Variants in ANO8 observed in about 807,000 individuals in gnomAD.
The protein encoded by ANO8 is anoctamin 8, also known as anoctamin-8.
Under a neutral mutation model 120.4 loss-of-function variants are expected in ANO8, and 67 were observed. That is an observed-to-expected ratio of 0.56 (90% confidence interval 0.46 to 0.68). ANO8 has a LOEUF of 0.68. Among genes scored for constraint, ANO8 ranks in the 30% least tolerant of loss-of-function variants. The pLI, the probability that ANO8 is intolerant of heterozygous loss-of-function variation, is 0.00. For missense variants in ANO8, 1,526 were observed against 1,737.6 expected, an observed-to-expected ratio of 0.88 and a Z score of 2.16; for synonymous variants, 727 against 759.2, an observed-to-expected ratio of 0.96 and a Z score of 0.70.
At chr19:17,329,270 A>G in intron 12 of ANO8, 1 of 398,208 alleles carries the variant, frequency 2.5e-6, no homozygotes, top group Non-Finnish European at 4.5e-6. Context: ...GTGCGCCCCC[A>G]GCCGCCTGCA....
At position 17,328,384 on chromosome 19, in the gene ANO8, G is replaced by GA; in HGVS notation, c.2003_2004insT (p.Ser669GlnfsTer3). 1.3e-6 allele frequency: 2 copies of GA among 1,572,696 alleles called. No homozygotes were observed. The highest frequency in any genetic ancestry group is 2.3e-5 in the South Asian group (2 of 87,324). ...TGGCCGGGGGCTCCCGTTCAGGGCT[G>GA]CCGGGAGCCCCCTCCGCCTCGTCGT... On this transcript the variant is annotated frameshift_variant, in exon 13 of 18. Coordinates refer to ENST00000159087, the MANE Select transcript of ANO8 (RefSeq NM_020959.3). LOFTEE classifies it high-confidence loss of function.
chr19:17,327,578 C>T lies in ANO8; in HGVS notation c.2419-9G>A. The T allele has an allele frequency of 1.9e-6, 3 of 1,613,170 alleles. No individual in the cohort carries two copies. The highest frequency in any genetic ancestry group is 2.5e-6 in the Non-Finnish European group (3 of 1,179,708). ...ATGGCCTCCATCACCTTCTGCAGGG[C>T]GGCAGGAGGGCTCAGGCGGGGTCCA... On this transcript the variant is annotated splice_polypyrimidine_tract_variant and intron_variant, in intron 14 of 17. Coordinates refer to ENST00000159087, the MANE Select transcript of ANO8 (RefSeq NM_020959.3).
Position 17,328,461 on chromosome 19 carries a change from TG to T in ANO8, c.1926del (p.Thr643LeufsTer96). ...GGCTCCAGCCCCTTCTCCACCATAGTGGGGCTCCCTTCCTCCAGGAGGGCCT... is the reference window on the plus strand; with the variant it reads ...GGCTCCAGCCCCTTCTCCACCATAGTGGGCTCCCTTCCTCCAGGAGGGCCT... The part of the protein sequence containing the change: ...SPEALLEEGS[P>X]TMVEKGLEPG... On this transcript the variant is annotated frameshift_variant, in exon 13 of 18. Transcript: ENST00000159087. LOFTEE classifies it high-confidence loss of function. 6.4e-7 allele frequency: 1 copy of T among 1,573,042 alleles called. No homozygotes were observed. Among genetic ancestry groups the T allele is most frequent in the Non-Finnish European group, 8.6e-7 (1 of 1,164,546 alleles).
At position 17,333,661 on chromosome 19, in the gene ANO8, T is replaced by TGGGCGGGC. The variant is rs759982269; in HGVS notation, c.217+21_217+28dup. On this transcript the variant is annotated intron_variant, in intron 2 of 17. Coordinates refer to ENST00000159087, the MANE Select transcript of ANO8 (RefSeq NM_020959.3). The surrounding 1 kb of genome is among the most constrained non-coding windows in gnomAD (Gnocchi z 7.2). ...GCTCAGGAGAGCCGCATCTGGGCAC[T>TGGGCGGGC]GGGCGGGCGGGCGGGCGGGCTTGGG... 2 of 207,044 alleles carry TGGGCGGGC rather than the reference T, an allele frequency of 9.7e-6. No homozygotes were observed. The highest frequency in any genetic ancestry group is 1.3e-5 in the Non-Finnish European group (2 of 153,636). The allele number at this position is 207,044 out of a possible 1,614,324, so 12.8% of individuals were successfully genotyped here.
At position 17,328,682 on chromosome 19, in the gene ANO8, T is replaced by G; in HGVS notation, c.1706A>C (p.Glu569Ala). 1 of 1,341,518 alleles carries G rather than the reference T, an allele frequency of 7.5e-7. No homozygotes were observed. The highest frequency in any genetic ancestry group is 9.7e-7 in the Non-Finnish European group (1 of 1,026,098). The allele number at this position is 1,341,518 out of a possible 1,614,324, so 83.1% of individuals were successfully genotyped here. Reference protein sequence around the residue: ...AALVERRRAGEGGEEGDGPPG... With the variant: ...AALVERRRAGAGGEEGDGPPG... Reference sequence around the variant, plus strand: ...AGGCCCGTCCCCCTCCTCCCCGCCTTCCCCCGCCCGCCGCCGCTCCACCAG... The same window carrying G: ...AGGCCCGTCCCCCTCCTCCCCGCCTGCCCCCGCCCGCCGCCGCTCCACCAG... The change falls in exon 13 of 18, where the codon GAA (glutamate) becomes GCA (alanine). Residue 569 changes from glutamate (E) to alanine (A), a missense_variant. Around this residue, in one of 8 missense-constraint regions of ANO8, gnomAD observed 467 missense variants for 425.8 expected, o/e 1.10. Transcript: ENST00000159087.
Position 17,330,210 on chromosome 19 carries a change from T to A in ANO8, c.1188A>T (p.Arg396=), listed in dbSNP as rs1035309285. 13 of 1,613,972 alleles carry A rather than the reference T, an allele frequency of 8.1e-6. No homozygotes were observed. In the South Asian group the frequency reaches 1.1e-4, roughly 14 times the overall value. Residue 396 remains arginine, a synonymous_variant, in exon 10 of 18, where the codon CGA becomes CGT. Coordinates refer to ENST00000159087, the MANE Select transcript of ANO8 (RefSeq NM_020959.3). ...GGGCCAGCATGACCTTAGGCAGGAA[T>A]CGGGCGAGACGGGGCAACCCCTTCA... ...LSVKGLPRLA[R]FLPKVMLALL...
Position 17,330,150 on chromosome 19 carries a change from C to G in ANO8, c.1248G>C (p.Lys416Asn). The change falls in exon 10 of 18, where the codon AAG becomes AAC. Residue 416 changes from lysine to asparagine, a missense_variant. Lys to Asn is a moderately conservative substitution (Grantham distance 94). Coordinates refer to ENST00000159087, the MANE Select transcript of ANO8 (RefSeq NM_020959.3). ...LVSVSAEGYK[K>N]LAIWLNDMEN... ...CCATGTCATTGAGCCAGATGGCTAG[C>G]TTCTTGTAGCCCTCGGCACTCACAC... is the stretch of plus-strand genomic sequence containing the variant. 1.9e-6 allele frequency: 3 copies of G among 1,614,070 alleles called. No homozygotes were observed. Among genetic ancestry groups the G allele is most frequent in the Non-Finnish European group, 2.5e-6 (3 of 1,180,016 alleles).
At chr19:17,327,025 C>A (rs776746347) in intron 16 of ANO8, among the ~76,000 whole-genome samples, 13 of 152,206 alleles carry the variant, frequency 8.5e-5, no homozygotes, top group Non-Finnish European at 1.6e-4. Flanking sequence ...GCCTCAAACT[C>A]CTGGGCTCAA....
Position 17,331,292 on chromosome 19 carries a change from C to T in ANO8, c.703+3G>A. ...CCCTCCCACCCCCCAGCCCAGGCAG[C>T]ACCTAGAGGCTGGTTTTCACACACG... On this transcript the variant is annotated splice_donor_region_variant and intron_variant, in intron 6 of 17. Coordinates refer to ENST00000159087, the MANE Select transcript of ANO8 (RefSeq NM_020959.3). 2 of 1,614,128 alleles carry T rather than the reference C, an allele frequency of 1.2e-6. No homozygotes were observed. Among genetic ancestry groups the T allele is most frequent in the Non-Finnish European group, 1.7e-6 (2 of 1,180,022 alleles).
chr19:17,329,977 G>T lies in ANO8; in HGVS notation c.1311C>A (p.Leu437=). The T allele has an allele frequency of 6.2e-7, 1 of 1,614,042 alleles. No individual in the cohort carries two copies. The highest frequency in any genetic ancestry group is 2.2e-5 in the East Asian group (1 of 44,862). Reference sequence around the variant, plus strand: ...GACTCACCAGGACAACTTTGATGATGAGGTGCTTCTCATAGGCGCTCTCCA... The same window carrying T: ...GACTCACCAGGACAACTTTGATGATTAGGTGCTTCTCATAGGCGCTCTCCA... ...YRLESAYEKH[L]IIKVVLFQFV... Residue 437 remains leucine (L), a synonymous_variant, in exon 11 of 18, where the codon CTC becomes CTA. Transcript: ENST00000159087.
rs1003975556 is a variant in ANO8 at position 17,328,266 on chromosome 19, T to C, written c.2122A>G (p.Arg708Gly). The change falls in exon 13 of 18, where the codon AGG becomes GGG. Residue 708 changes from arginine to glycine, a missense_variant. Around this residue, in one of 8 missense-constraint regions of ANO8, gnomAD observed 467 missense variants for 425.8 expected, o/e 1.10. Coordinates refer to ENST00000159087, the MANE Select transcript of ANO8 (RefSeq NM_020959.3). ...GACGACCGGTTCTGCCGTCTCTGCC[T>C]ACGGGTCGAATCGCTGTTGGAGCCG... ...EPGSNSDSTR[R>G]QRRQNRSSWI... The C allele has an allele frequency of 1.9e-6, 3 of 1,610,940 alleles. No homozygotes were observed. Among genetic ancestry groups the C allele is most frequent in the Admixed American group, 3.3e-5 (2 of 59,898 alleles).
intron 1 of ANO8, among the ~76,000 whole-genome samples, chr19:17,334,050 C>T (rs942595248): frequency 2.6e-5 from 4 of 152,208 alleles, no homozygotes; most frequent in African/African-American, 9.6e-5. Flanking sequence ...AGCTCCGCCT[C>T]CAAAACCACA....
At position 17,330,869 on chromosome 19, in the gene ANO8, A is replaced by G; in HGVS notation, c.952T>C (p.Ser318Pro). 2 of 1,614,124 alleles carry G rather than the reference A, an allele frequency of 1.2e-6. No individual in the cohort carries two copies. The highest frequency in any genetic ancestry group is 1.7e-6 in the Non-Finnish European group (2 of 1,180,018). Residue 318 changes from serine to proline, a missense_variant, in exon 8 of 18, where the codon TCA (serine) becomes CCA (proline). Ser to Pro is a moderately conservative substitution (Grantham distance 74). Around this residue, in one of 8 missense-constraint regions of ANO8, gnomAD observed 322 missense variants for 431.8 expected, o/e 0.75. Transcript: ENST00000159087. ...ELAYKWGTLD[S>P]PGEAVEEPRP... ...GGCTCCTCCACGGCTTCCCCAGGTGAGTCCAGCGTCCCCCACTTATATGCC... is the reference window on the plus strand; with the variant it reads ...GGCTCCTCCACGGCTTCCCCAGGTGGGTCCAGCGTCCCCCACTTATATGCC...
Position 17,327,489 on chromosome 19 carries a change from G to T in ANO8, c.2499C>A (p.Leu833=). ...CTGCCTCCGGGCTCAGCCAGGGGAAGAGGCGCTGCAGCTGCCCGCACTGGC... is the reference window on the plus strand; with the variant it reads ...CTGCCTCCGGGCTCAGCCAGGGGAATAGGCGCTGCAGCTGCCCGCACTGGC... ...LIGQCGQLQR[L]FPWLSPEAAI... Residue 833 remains leucine (L), a synonymous_variant, in exon 15 of 18, where the codon CTC becomes CTA. Transcript: ENST00000159087. 6.2e-7 allele frequency: 1 copy of T among 1,613,312 alleles called. No homozygotes were observed.
chr19:17,332,839 C>A (rs2074328674), intron 5 of ANO8, 91 bp downstream of exon 5: 1 of 1,457,234 alleles, frequency 6.9e-7, no homozygotes, highest in South Asian at 1.2e-5. Context: ...CTGGTTGGAT[C>A]TGGGCCCCGC....
chr19:17,327,533 C>A lies in ANO8; in HGVS notation c.2455G>T (p.Val819Phe), dbSNP rs1362804796. The A allele has an allele frequency of 6.2e-7, 1 of 1,613,458 alleles. No homozygotes were observed. Among genetic ancestry groups the A allele is most frequent in the Non-Finnish European group, 8.5e-7 (1 of 1,179,890 alleles). ...CACTGGCCGATTAAGTAGCAGTTGA[C>A]CACAATCGCTAGGACACCCATGGCC... ...MEAMGVLAIV[V>F]NCYLIGQCGQ... is the part of the protein sequence containing the mutation. The change falls in exon 15 of 18, where the codon GTC becomes TTC. Residue 819 changes from valine (V) to phenylalanine (F), a missense_variant. This residue lies in a region of ANO8 where 77 missense variants were observed against 131.5 expected (regional missense o/e 0.59). Coordinates refer to ENST00000159087, the MANE Select transcript of ANO8 (RefSeq NM_020959.3).
At chr19:17,324,197 G>A (rs887974947) in intron 17 of ANO8, among the ~76,000 whole-genome samples, 1 of 151,616 alleles carries the variant, frequency 6.6e-6, no homozygotes, top group Non-Finnish European at 1.5e-5. Context: ...GGCTGGGATT[G>A]GGGCAGGGGA....
At chr19:17,329,489 AC>A (rs1362524218) in intron 12 of ANO8, 1 of 533,936 alleles carries the variant, frequency 1.9e-6, no homozygotes, top group East Asian at 3.2e-5. Context: ...CGGGACCAGC[AC>A]CGCCTGCAGC....
chr19:17,328,269 G>T lies in ANO8; in HGVS notation c.2119C>A (p.Arg707Ser). The T allele has an allele frequency of 1.2e-6, 2 of 1,610,520 alleles. No homozygotes were observed. The highest frequency in any genetic ancestry group is 1.7e-6 in the Non-Finnish European group (2 of 1,178,830). Residue 707 changes from arginine (R) to serine (S), a missense_variant, in exon 13 of 18, where the codon CGT becomes AGT. By Grantham distance (110) the Arg-to-Ser change is moderately radical. Transcript: ENST00000159087. The part of the protein sequence containing the change: ...PEPGSNSDST[R>S]RQRRQNRSSW... ...GACCGGTTCTGCCGTCTCTGCCTAC[G>T]GGTCGAATCGCTGTTGGAGCCGGGT...
Sources: allele counts gnomAD v4.1 joint callset (sites outside exome capture counted in the v4.1 genomes callset), GRCh38; gene constraint gnomAD v4.1.1; regional missense constraint gnomAD v4.1.1; non-coding constraint Gnocchi (gnomAD v3.1); transcripts MANE v1.5; gene names NCBI Gene and HGNC (gene_info 2026-07-23, HGNC 2026-07-21).